Variants in EFHC2 observed in about 807,000 individuals in gnomAD.
EFHC2 encodes the protein EF-hand domain-containing family member C2.
EFHC2 carries 18 observed loss-of-function variants against 52.7 expected under a neutral mutation model. That is an observed-to-expected ratio of 0.34 (90% CI 0.24 to 0.51). The LOEUF is 0.51. Among genes scored for constraint, EFHC2 ranks in the 20% least tolerant of loss-of-function variants. The pLI is 0.97. For synonymous variants in EFHC2, 203 were observed against 204.1 expected (o/e 0.99, Z 0.04); for missense variants, 513 against 562.5 (o/e 0.91, Z 0.89).
At chrX:44,293,952 G>A (rs1198806991) in intron 2 of EFHC2, among the ~76,000 whole-genome samples, 1 of 112,348 alleles carries the variant, frequency 8.9e-6, no homozygotes, top group African/African-American at 3.2e-5. Context: ...AATGCACGAA[G>A]GTCTTGGTCC....
At chrX:44,321,706 G>C (rs2038022131) in intron 1 of EFHC2, among the ~76,000 whole-genome samples, 1 of 111,486 alleles carries the variant, frequency 9.0e-6, no homozygotes, top group Admixed American at 9.5e-5. Flanking sequence ...ATGAAGACGA[G>C]GCTTGAGACT....
At chrX:44,236,267 C>G (rs904115715) in intron 8 of EFHC2, among the ~76,000 whole-genome samples, 1 of 112,032 alleles carries the variant, frequency 8.9e-6, no homozygotes, top group African/African-American at 3.2e-5. Context: ...TTAAAAGTTA[C>G]CAAAGCTGAT....
At chrX:44,187,726 G>T (rs1051559985) in intron 11 of EFHC2, among the ~76,000 whole-genome samples, 3 of 110,824 alleles carry the variant, frequency 2.7e-5, no homozygotes, top group African/African-American at 9.9e-5. Flanking sequence ...GGAGTTTGAG[G>T]CTTCAGTGAG....
At chrX:44,283,914 G>C (rs1452665528) in intron 2 of EFHC2, 1 of 108,895 alleles carries the variant, frequency 9.2e-6, no homozygotes, top group Non-Finnish European at 1.9e-5. Flanking sequence ...TCCAGCTCTG[G>C]GGCCCGTCGG....
intron 2 of EFHC2, among the ~76,000 whole-genome samples, chrX:44,302,778 T>C (rs772635281): frequency 2.9e-4 from 33 of 112,339 alleles, no homozygotes; most frequent in African/African-American, 1.1e-3. Context: ...GACATGGTAA[T>C]AGCAAGAGTC....
intron 2 of EFHC2, among the ~76,000 whole-genome samples, chrX:44,303,033 C>T (rs1754289775): frequency 1.8e-5 from 2 of 111,313 alleles, no homozygotes; most frequent in Non-Finnish European, 3.8e-5. Flanking sequence ...ATTCGTTAAT[C>T]CTACCGCAGG....
chrX:44,211,597 C>G (rs1297699328), intron 11 of EFHC2, among the ~76,000 whole-genome samples: 1 of 110,357 alleles, frequency 9.1e-6, no homozygotes, highest in Non-Finnish European at 1.9e-5. Flanking sequence ...CTCAGTGGCT[C>G]AAGCCTGTAA....
chrX:44,298,124 A>G (rs2037841048), intron 2 of EFHC2, among the ~76,000 whole-genome samples: 1 of 111,453 alleles, frequency 9.0e-6, no homozygotes, highest in African/African-American at 3.3e-5. Flanking sequence ...TGTTATTAAC[A>G]TCTTAAAGTA....
chrX:44,270,116 T>C (rs190574635), intron 3 of EFHC2, among the ~76,000 whole-genome samples: 8 of 111,729 alleles, frequency 7.2e-5, no homozygotes, highest in Non-Finnish European at 1.3e-4. Flanking sequence ...TGGTGGCCTA[T>C]TATTACTCCA....
chrX:44,225,952 T>A (rs2037229366), intron 11 of EFHC2, among the ~76,000 whole-genome samples: 1 of 112,067 alleles, frequency 8.9e-6, no homozygotes, highest in Non-Finnish European at 1.9e-5. Context: ...AGCAAACATC[T>A]ATTGCACTTG....
Position 44,288,766 on chromosome X carries a change from T to G in EFHC2, c.232-15930A>C, listed in dbSNP as rs1412725385. 9.8e-5 allele frequency among the ~76,000 whole-genome samples: 11 copies of G among 112,553 alleles called. No individual in the cohort carries two copies. In the East Asian group the frequency reaches 3.0e-3, roughly 31 times the overall value. On this transcript the variant is annotated intron_variant, in intron 2 of 14. Coordinates refer to ENST00000420999, the MANE Select transcript of EFHC2 (RefSeq NM_025184.4). ...AATTGTGCTTTGAAATTTATTTTTC[T>G]TTTTGTTCTCTGATGTCTGTTTTAT...
chrX:44,213,961 G>A (rs1348891184), intron 11 of EFHC2, among the ~76,000 whole-genome samples: 1 of 111,390 alleles, frequency 9.0e-6, no homozygotes, highest in African/African-American at 3.3e-5. Flanking sequence ...ACTTTCAATG[G>A]GGTAGTAAAC....
intron 11 of EFHC2, among the ~76,000 whole-genome samples, chrX:44,188,146 A>ATTT (rs369956826): frequency 3.9e-4 from 37 of 95,281 alleles, no homozygotes; most frequent in African/African-American, 5.4e-4. Flanking sequence ...ACGCCCAGCA[A>ATTT]TTTTTTTTTT....
intron 4 of EFHC2, among the ~76,000 whole-genome samples, chrX:44,259,745 T>C (rs1389324635): frequency 5.4e-5 from 6 of 111,567 alleles, no homozygotes; most frequent in African/African-American, 2.0e-4. Flanking sequence ...CTAAATTCTT[T>C]CTATTTATCT....
At chrX:44,277,828 C>A (rs2037671617) in intron 2 of EFHC2, among the ~76,000 whole-genome samples, 1 of 108,904 alleles carries the variant, frequency 9.2e-6, no homozygotes, top group African/African-American at 3.3e-5. Context: ...CATAATTGTA[C>A]CAAAAATAAA....
intron 1 of EFHC2, among the ~76,000 whole-genome samples, chrX:44,324,575 C>T (rs918817388): frequency 9.0e-6 from 1 of 111,401 alleles, no homozygotes; most frequent in Non-Finnish European, 1.9e-5. Context: ...CATACACACA[C>T]ACACACAATT....
At position 44,242,272 on chromosome X, in the gene EFHC2, A is replaced by G; in HGVS notation, c.1129T>C (p.Ser377Pro). The G allele has an allele frequency of 8.3e-7, 1 of 1,207,369 alleles. No individual in the cohort carries two copies. The highest frequency in any genetic ancestry group is 1.1e-6 in the Non-Finnish European group (1 of 893,730). The change falls in exon 8 of 15, where the codon TCA becomes CCA. Residue 377 changes from serine (S) to proline (P), a missense_variant. Transcript: ENST00000420999. The part of the protein sequence containing the change: ...KYGIENFTSV[S>P]CKPPSPPPKI... Reference sequence around the variant, plus strand: ...GGAGGAGGAGAAGGAGGCTTGCATGAAACTGAGGTAAAGTTCTCTAGAACA... The same window carrying G: ...GGAGGAGGAGAAGGAGGCTTGCATGGAACTGAGGTAAAGTTCTCTAGAACA...
chrX:44,338,728 C>A (rs199950104), intron 1 of EFHC2, among the ~76,000 whole-genome samples: 141 of 90,036 alleles, frequency 1.6e-3, no homozygotes, highest in African/African-American at 2.6e-3. Flanking sequence ...TTTTCCTTTT[C>A]AAAAAAAAAA....
chrX:44,205,344 A>G (rs2037040159), intron 11 of EFHC2, among the ~76,000 whole-genome samples: 1 of 110,877 alleles, frequency 9.0e-6, no homozygotes, highest in African/African-American at 3.3e-5. Context: ...AAAACCTCAC[A>G]TATCAATACT....
Sources: allele counts gnomAD v4.1 joint callset (sites outside exome capture counted in the v4.1 genomes callset), GRCh38; gene constraint gnomAD v4.1.1; transcripts MANE v1.5; gene names NCBI Gene and HGNC (gene_info 2026-07-23, HGNC 2026-07-21).